Variants in SLC39A11 observed in about 807,000 individuals in gnomAD.
The protein encoded by SLC39A11 is zinc transporter ZIP11.
Under a neutral mutation model 36.1 loss-of-function variants are expected in SLC39A11, and 33 were observed. The observed-to-expected ratio is 0.91, with a 90% CI of 0.69 to 1.22. SLC39A11 has a LOEUF of 1.22. SLC39A11 is among the 50% of genes most tolerant of loss of function. The pLI is 0.00. For missense variants in SLC39A11, 432 were observed against 430.3 expected (o/e 1.00, Z -0.03); for synonymous variants, 166 against 170.3 (o/e 0.97, Z 0.20).
intron 5 of SLC39A11, among the ~76,000 whole-genome samples, chr17:72,885,111 A>T (rs996373794): frequency 2.0e-5 from 3 of 152,222 alleles, no homozygotes; most frequent in African/African-American, 4.8e-5. Flanking sequence ...TGATACTTGT[A>T]GGTTATCGAA....
intron 3 of SLC39A11, among the ~76,000 whole-genome samples, chr17:73,048,140 T>C (rs2059381863): frequency 6.6e-6 from 1 of 151,390 alleles, no homozygotes; most frequent in South Asian, 2.1e-4. Flanking sequence ...TGCACCCAGG[T>C]AGTGACCACA....
chr17:72,758,960 CG>C (rs1306362603), intron 6 of SLC39A11, among the ~76,000 whole-genome samples: 1 of 152,022 alleles, frequency 6.6e-6, no homozygotes, highest in Admixed American at 6.6e-5. Flanking sequence ...AAAAATTAGC[CG>C]GGTGTGGTGG....
chr17:72,980,173 CA>C (rs926079143), intron 4 of SLC39A11, among the ~76,000 whole-genome samples: 2 of 151,906 alleles, frequency 1.3e-5, no homozygotes, highest in Non-Finnish European at 2.9e-5. Flanking sequence ...CGATTATTAA[CA>C]AAAAAAGGTA....
chr17:72,910,845 T>C (rs2082946255), intron 5 of SLC39A11, among the ~76,000 whole-genome samples: 1 of 147,808 alleles, frequency 6.8e-6, no homozygotes, highest in Admixed American at 7.0e-5. Context: ...GAGAGTCACG[T>C]GAACCCAGAA....
At chr17:72,898,256 A>T (rs75733633) in intron 5 of SLC39A11, among the ~76,000 whole-genome samples, 4,745 of 152,276 alleles carry the variant, frequency 0.031, 259 homozygotes, top group African/African-American at 0.11. Flanking sequence ...GCCCCCAAAG[A>T]CATAAGGATA....
At chr17:72,694,923 T>C (rs558031378) in intron 7 of SLC39A11, among the ~76,000 whole-genome samples, 1 of 152,328 alleles carries the variant, frequency 6.6e-6, no homozygotes, top group East Asian at 1.9e-4. Flanking sequence ...TCACTCCATC[T>C]TTCTGGACCG....
chr17:72,869,106 C>A (rs1454344555), intron 5 of SLC39A11, among the ~76,000 whole-genome samples: 1 of 152,178 alleles, frequency 6.6e-6, no homozygotes, highest in Admixed American at 6.5e-5. Context: ...GTCAGAGGTT[C>A]TTCTGGGAAT....
At chr17:72,910,443 G>A (rs913918340) in intron 5 of SLC39A11, among the ~76,000 whole-genome samples, 7 of 151,992 alleles carry the variant, frequency 4.6e-5, no homozygotes, top group Non-Finnish European at 8.8e-5. Context: ...GGCCAACGTT[G>A]TGAAACCCCA....
In SLC39A11 at chr17:72,806,645, C is replaced by T. The variant is rs184769287; in HGVS notation, c.601+42989G>A. 1.1e-4 allele frequency among the ~76,000 whole-genome samples: 16 copies of T among 152,184 alleles called. No individual in the cohort carries two copies. The East Asian group carries it at 1.7e-3, about 17-fold the overall frequency. ...TCGCCCAGACTGGAGTAGAGTGGTG[C>T]GATCTTGGCTCACTGCAACCTCCGC... On this transcript the variant is annotated intron_variant, in intron 6 of 9. Coordinates refer to ENST00000255559, the MANE Select transcript of SLC39A11 (RefSeq NM_139177.4).
chr17:72,993,237 A>C (rs548172498), intron 4 of SLC39A11, among the ~76,000 whole-genome samples: 1 of 152,154 alleles, frequency 6.6e-6, no homozygotes, highest in Non-Finnish European at 1.5e-5. Flanking sequence ...CTTAAATTTG[A>C]TTATTGTAAA....
At chr17:72,695,952 G>A (rs2072275335) in intron 7 of SLC39A11, among the ~76,000 whole-genome samples, 1 of 152,198 alleles carries the variant, frequency 6.6e-6, no homozygotes, top group African/African-American at 2.4e-5. Context: ...ATCAACTTCT[G>A]CTGTTCTAAG....
At chr17:72,777,482 G>A (rs957772940) in intron 6 of SLC39A11, among the ~76,000 whole-genome samples, 2 of 152,218 alleles carry the variant, frequency 1.3e-5, no homozygotes, top group South Asian at 2.1e-4. Flanking sequence ...ATCCAATGAC[G>A]AGTGTCCCTA....
Position 73,031,665 on chromosome 17 carries a change from A to T in SLC39A11, c.197T>A (p.Met66Lys), listed in dbSNP as rs371719666. ...YWSLLAPAVEMATSSGGFGAF... is the reference protein window; with the variant it reads ...YWSLLAPAVEKATSSGGFGAF... ...ACCGAAGCCCCCAGAGGACGTGGCCATCTCAACTGCTGGGGCCAGAAGAGA... is the reference window on the plus strand; with the variant it reads ...ACCGAAGCCCCCAGAGGACGTGGCCTTCTCAACTGCTGGGGCCAGAAGAGA... Residue 66 changes from methionine to lysine, a missense_variant, in exon 4 of 10, where the codon ATG becomes AAG. Met to Lys is a moderately conservative substitution (Grantham distance 95). Transcript: ENST00000255559. The T allele has an allele frequency of 1.9e-6, 3 of 1,614,160 alleles. No individual in the cohort carries two copies. The highest frequency in any genetic ancestry group is 1.1e-5 in the South Asian group (1 of 91,070).
intron 5 of SLC39A11, among the ~76,000 whole-genome samples, chr17:72,938,850 A>G (rs1394823325): frequency 6.6e-6 from 1 of 152,192 alleles, no homozygotes; most frequent in Non-Finnish European, 1.5e-5. Flanking sequence ...TAACCAAGCA[A>G]ATGTTAAATT....
chr17:72,666,371 A>G (rs2070755039), intron 7 of SLC39A11, among the ~76,000 whole-genome samples: 1 of 152,242 alleles, frequency 6.6e-6, no homozygotes, highest in Non-Finnish European at 1.5e-5. Flanking sequence ...CTGCTCAGCA[A>G]AACGGCAGTG....
chr17:73,051,931 A>T (rs2059517388), intron 3 of SLC39A11, among the ~76,000 whole-genome samples: 1 of 151,310 alleles, frequency 6.6e-6, no homozygotes, highest in Admixed American at 6.6e-5. Flanking sequence ...GAAAAATCAA[A>T]GAAAATGTAT....
chr17:72,811,383 G>A (rs914239263), intron 6 of SLC39A11, among the ~76,000 whole-genome samples: 1 of 152,246 alleles, frequency 6.6e-6, no homozygotes, highest in East Asian at 1.9e-4. Context: ...TGGAAACTGG[G>A]TATTTTGGGG....
chr17:72,937,810 T>C (rs1048699404), intron 5 of SLC39A11, among the ~76,000 whole-genome samples: 5 of 152,168 alleles, frequency 3.3e-5, no homozygotes, highest in African/African-American at 1.2e-4. Flanking sequence ...AACCGCTAGG[T>C]GAGCCTGGTC....
At chr17:72,684,098 C>T (rs1268824406) in intron 7 of SLC39A11, among the ~76,000 whole-genome samples, 1 of 152,086 alleles carries the variant, frequency 6.6e-6, no homozygotes, top group African/African-American at 2.4e-5. Context: ...TCCTTCTGGC[C>T]CCTGGGGAGC....
Sources: gnomAD v4.1 joint callset for allele counts (sites outside exome capture counted in the v4.1 genomes callset) on GRCh38, gnomAD v4.1.1 for gene constraint, MANE v1.5 for transcripts, NCBI Gene and HGNC (gene_info 2026-07-23, HGNC 2026-07-21) for gene names.